The following NDE1 variants were observed in gnomAD, a reference collection of about 807,000 sequenced individuals.
NDE1 encodes the protein nudE neurodevelopment protein 1.
Under a neutral mutation model 43.4 loss-of-function variants are expected in NDE1, and 28 were observed. That is an observed-to-expected ratio of 0.65 (90% CI 0.48 to 0.89). NDE1 has a LOEUF of 0.89. Ranked by LOEUF, NDE1 falls within the 40% of genes least tolerant of loss-of-function variation. The pLI is 0.00. For missense variants in NDE1, 441 were observed against 434.1 expected, an observed-to-expected ratio of 1.02 and a Z score of -0.14; for synonymous variants, 184 against 172.0, an observed-to-expected ratio of 1.07 and a Z score of -0.55.
chr16:15,688,841 G>A (rs2151108201), intron 5 of NDE1, among the ~76,000 whole-genome samples: 1 of 151,470 alleles, frequency 6.6e-6, no homozygotes, highest in African/African-American at 2.4e-5. Flanking sequence ...GGGACTGCAG[G>A]TGTGCACCAC....
chr16:15,651,686 C>G (rs999693838), intron 1 of NDE1: 1 of 151,988 alleles, frequency 6.6e-6, no homozygotes, highest in African/African-American at 2.4e-5. Flanking sequence ...CGTGATCTGC[C>G]CCCTCGGCCT....
chr16:15,690,092 G>A (rs1244056365), intron 5 of NDE1, among the ~76,000 whole-genome samples: 1 of 152,048 alleles, frequency 6.6e-6, no homozygotes, highest in African/African-American at 2.4e-5. Context: ...ACAGGCTGGA[G>A]TGCAGTGGCG....
intron 6 of NDE1, 114 bp downstream of exon 6, chr16:15,691,437 C>T (rs2038748894): frequency 1.5e-5 from 19 of 1,239,364 alleles, no homozygotes; most frequent in Middle Eastern, 2.1e-4. Flanking sequence ...GCCTGATTTG[C>T]TCTCAGGCTT....
chr16:15,697,603 C>G (rs1207449295), intron 8 of NDE1, among the ~76,000 whole-genome samples: 1 of 152,020 alleles, frequency 6.6e-6, no homozygotes, highest in Admixed American at 6.6e-5. Context: ...GTCCCAGCTA[C>G]TCAGGAGGCT....
At chr16:15,692,994 T>G (rs2038826543) in intron 6 of NDE1, among the ~76,000 whole-genome samples, 1 of 150,460 alleles carries the variant, frequency 6.6e-6, no homozygotes, top group African/African-American at 2.5e-5. Context: ...GCCTGAAATT[T>G]CTTTCTCTCT....
chr16:15,643,967 G>T (rs567481660), intron 1 of NDE1: 1 of 152,102 alleles, frequency 6.6e-6, no homozygotes, highest in East Asian at 1.9e-4. Flanking sequence ...GGCCAGATAT[G>T]CTGTGTGGTT....
chr16:15,714,728 G>A (rs943586733), intron 8 of NDE1: 20 of 770,770 alleles, frequency 2.6e-5, no homozygotes, highest in African/African-American at 5.1e-5. Flanking sequence ...GGCAGGGCCC[G>A]GGTCTGATCT....
At chr16:15,722,461 G>C (rs1567697470) in intron 8 of NDE1, among the ~76,000 whole-genome samples, 1 of 152,160 alleles carries the variant, frequency 6.6e-6, no homozygotes, top group Non-Finnish European at 1.5e-5. Context: ...CAAACTTCCA[G>C]TATTCAGCAA....
intron 1 of NDE1, among the ~76,000 whole-genome samples, chr16:15,653,586 C>T (rs1456805362): frequency 1.3e-5 from 2 of 151,896 alleles, no homozygotes; most frequent in Non-Finnish European, 2.9e-5. Flanking sequence ...TGCTGGGTTT[C>T]TTCTCTCAGA....
rs189197683 is a variant in NDE1, at chr16:15,711,941, C to T, written c.948-12250C>T. Among the ~76,000 whole-genome samples the T allele has an allele frequency of 1.3e-3, 195 of 152,304 alleles. 1 individual carries two copies. Among genetic ancestry groups the T allele is most frequent in the African/African-American group, 4.5e-3 (187 of 41,566 alleles). ...CTCCTGACCTCAGGTGATCAGCCTG[C>T]GTTGGCCTCCCAAAGTGCTGGGATT... On this transcript the variant is annotated intron_variant, in intron 8 of 8. Transcript: ENST00000396354.
At chr16:15,657,030 T>C (rs932266665) in intron 1 of NDE1, among the ~76,000 whole-genome samples, 1 of 152,164 alleles carries the variant, frequency 6.6e-6, no homozygotes, top group Non-Finnish European at 1.5e-5. Flanking sequence ...TTCCGCACTT[T>C]ATTGTATGCT....
In NDE1 at chr16:15,683,098, C is replaced by T. The variant is rs2038266695; in HGVS notation, c.387-4277C>T. On this transcript the variant is annotated intron_variant, in intron 4 of 8. Transcript: ENST00000396354. ...CTGGATTCAAACAATCTTCCCATCT[C>T]GGCTTGCCAAAGTGTTGGGATTACA... Among the ~76,000 whole-genome samples, 5 of 151,964 alleles carry T rather than the reference C, an allele frequency of 3.3e-5. No homozygotes were observed. The South Asian group carries it at 1.0e-3, about 32-fold the overall frequency.
chr16:15,694,682 C>G (rs962352056), intron 7 of NDE1: 2 of 985,132 alleles, frequency 2.0e-6, no homozygotes, highest in Admixed American at 1.2e-4. Flanking sequence ...TTAGGTGTGG[C>G]TGCTCCTTTA....
chr16:15,687,735 T>C (rs2038512737), intron 5 of NDE1, among the ~76,000 whole-genome samples: 1 of 152,208 alleles, frequency 6.6e-6, no homozygotes, highest in African/African-American at 2.4e-5. Context: ...GGGCCCCTTA[T>C]GGGTATTTAG....
intron 8 of NDE1, among the ~76,000 whole-genome samples, chr16:15,722,016 C>T (rs2040513710): frequency 6.6e-6 from 1 of 152,112 alleles, no homozygotes; most frequent in African/African-American, 2.4e-5. Flanking sequence ...CACCACCACA[C>T]CTGGCTAATT....
intron 3 of NDE1, among the ~76,000 whole-genome samples, chr16:15,674,945 T>C (rs1738246799): frequency 6.6e-6 from 1 of 152,070 alleles, no homozygotes; most frequent in African/African-American, 2.4e-5. Context: ...ACGGTGATAA[T>C]GTGTGAAAGC....
At chr16:15,693,311 T>G (rs2038845370) in intron 6 of NDE1, among the ~76,000 whole-genome samples, 1 of 152,234 alleles carries the variant, frequency 6.6e-6, no homozygotes, top group Admixed American at 6.5e-5. Flanking sequence ...GGCCGAGAGA[T>G]TCTGCATTTC....
intron 8 of NDE1, chr16:15,717,107 G>A: frequency 1.9e-6 from 3 of 1,610,104 alleles, no homozygotes; most frequent in Non-Finnish European, 2.6e-6. Flanking sequence ...TCACCCCCCT[G>A]CAAACTGGGT....
chr16:15,657,024 G>A lies in NDE1; in HGVS notation c.-44+6730G>A, dbSNP rs562546558. On this transcript the variant is annotated intron_variant, in intron 1 of 8. Transcript: ENST00000396354. ...TTGTTGTTACTGGTTCCTCACTTCC[G>A]CACTTTATTGTATGCTGACAACCTT... is the stretch of plus-strand genomic sequence containing the variant. 6.8e-4 allele frequency among the ~76,000 whole-genome samples: 103 copies of A among 151,976 alleles called. 1 individual carries two copies. The highest frequency in any genetic ancestry group is 2.0e-3 in the African/African-American group (84 of 41,466).
Sources: allele counts gnomAD v4.1 joint callset (sites outside exome capture counted in the v4.1 genomes callset), GRCh38; gene constraint gnomAD v4.1.1; transcripts MANE v1.5; gene names NCBI Gene and HGNC (gene_info 2026-07-23, HGNC 2026-07-21).